The following PROM1 variants were observed in gnomAD, a reference collection of about 807,000 sequenced individuals.
The protein encoded by PROM1 is prominin 1, also known as prominin-1.
PROM1 carries 105 observed loss-of-function variants against 116.9 expected under a neutral mutation model. The ratio of observed to expected loss-of-function variants is 0.90; its 90% CI spans 0.77 to 1.06. PROM1 has a LOEUF of 1.06. PROM1 is among the 50% of genes least tolerant of loss of function. The pLI, the probability that PROM1 is intolerant of heterozygous loss-of-function variation, is 0.00. For missense variants in PROM1, 1,122 were observed against 1,045.2 expected, an observed-to-expected ratio of 1.07 and a Z score of -1.01; for synonymous variants, 393 against 387.0, an observed-to-expected ratio of 1.02 and a Z score of -0.18.
intron 26 of PROM1, among the ~76,000 whole-genome samples, chr4:15,974,815 A>G (rs1345115507): frequency 6.6e-6 from 1 of 152,048 alleles, no homozygotes; most frequent in Non-Finnish European, 1.5e-5. Flanking sequence ...TGCACTGATC[A>G]TTTTCCTCCT....
chr4:15,981,892 T>C (rs1167178054), intron 23 of PROM1, among the ~76,000 whole-genome samples: 2 of 152,206 alleles, frequency 1.3e-5, no homozygotes, highest in Non-Finnish European at 2.9e-5. Context: ...TAAAGTTCCA[T>C]CTCTTAACAT....
intron 19 of PROM1, among the ~76,000 whole-genome samples, chr4:15,989,224 C>T (rs1165102266): frequency 6.6e-6 from 1 of 152,092 alleles, no homozygotes; most frequent in Non-Finnish European, 1.5e-5. Flanking sequence ...CACATTCTTT[C>T]TTTGTTAGAA....
At chr4:16,076,363 G>C (rs533159597) in intron 1 of PROM1, 1 of 161,168 alleles carries the variant, frequency 6.2e-6, no homozygotes, top group Non-Finnish European at 1.4e-5. Context: ...TTATGGGTTC[G>C]GGAAATACTA....
At chr4:15,998,336 A>C in intron 15 of PROM1, 49 bp downstream of exon 15, 1 of 1,488,098 alleles carries the variant, frequency 6.7e-7, no homozygotes, top group Non-Finnish European at 8.9e-7. Flanking sequence ...TTCTCATTCC[A>C]GAAAAAGAAC....
intron 23 of PROM1, among the ~76,000 whole-genome samples, chr4:15,982,949 G>T (rs7698060): frequency 0.02 from 3,058 of 152,246 alleles, 104 homozygotes; most frequent in African/African-American, 0.07. Context: ...CAGGGCAATA[G>T]GGATGAACTG....
chr4:16,062,951 T>C (rs759797763), intron 2 of PROM1, among the ~76,000 whole-genome samples: 162 of 152,210 alleles, frequency 1.1e-3, no homozygotes, highest in Admixed American at 3.6e-3. Context: ...TGAGAGCATG[T>C]TTGTGAATGA....
At chr4:16,008,724 T>C (rs1381711301) in intron 12 of PROM1, among the ~76,000 whole-genome samples, 1 of 152,166 alleles carries the variant, frequency 6.6e-6, no homozygotes, top group East Asian at 1.9e-4. Context: ...TACACAGGAG[T>C]CATGCGAACC....
chr4:15,991,921 C>A (rs1242397923), intron 17 of PROM1, among the ~76,000 whole-genome samples: 29 of 110,288 alleles, frequency 2.6e-4, no homozygotes, highest in Non-Finnish European at 4.0e-4. Flanking sequence ...GGTGACAGAG[C>A]GAGACTCCGT....
intron 2 of PROM1, among the ~76,000 whole-genome samples, chr4:16,064,566 C>G (rs746774120): frequency 3.3e-5 from 5 of 152,234 alleles, no homozygotes; most frequent in Non-Finnish European, 5.9e-5. Flanking sequence ...TAAGCTTACA[C>G]GTAATTTTTC....
intron 2 of PROM1, among the ~76,000 whole-genome samples, chr4:16,072,650 C>T (rs1743071774): frequency 2.0e-5 from 3 of 152,218 alleles, no homozygotes; most frequent in African/African-American, 4.8e-5. Flanking sequence ...TGATGGGTGA[C>T]TACCCTGCTC....
At chr4:16,000,700 T>G (rs1657296145) in intron 13 of PROM1, 81 bp from the exon 14 acceptor site, 1 of 1,207,626 alleles carries the variant, frequency 8.3e-7, no homozygotes, top group African/African-American at 1.5e-5. Flanking sequence ...CTACCTATAC[T>G]CTATAAAATA....
chr4:16,052,153 G>T (rs181655998), intron 2 of PROM1, among the ~76,000 whole-genome samples: 106 of 152,304 alleles, frequency 7.0e-4, no homozygotes, highest in African/African-American at 2.3e-3. Context: ...TGTGAGAGCT[G>T]AGCCTGAACG....
intron 2 of PROM1, among the ~76,000 whole-genome samples, chr4:16,065,320 T>C (rs1258813581): frequency 2.6e-5 from 4 of 152,180 alleles, no homozygotes; most frequent in Non-Finnish European, 5.9e-5. Flanking sequence ...ACTTGCATCA[T>C]TCAGGCCTCA....
chr4:16,041,242 A>C (rs1003614869), intron 2 of PROM1, among the ~76,000 whole-genome samples: 7 of 152,232 alleles, frequency 4.6e-5, no homozygotes, highest in Non-Finnish European at 8.8e-5. Flanking sequence ...GCCATCAGGC[A>C]CTCATGTTCA....
At position 15,994,044 on chromosome 4, in the gene PROM1, G is replaced by GT; in HGVS notation, c.1709dup (p.Tyr570Ter). 1 of 1,613,878 alleles carries GT rather than the reference G, an allele frequency of 6.2e-7. No homozygotes were observed. Residue 570 changes from tyrosine (Y) to a stop codon, truncating the protein, a stop_gained and frameshift_variant, in exon 16 of 28, where the codon TAC (tyrosine) becomes TAAC (stop). Transcript: ENST00000447510. LOFTEE classifies it high-confidence loss of function. The stretch of plus-strand genomic sequence containing the variant: ...AGCTGTTCTGCAGGTGAAGAGTGCC[G>GT]TAAGTGCCTCTATTTTTTTTGCAGT... ...YSDCKKNRGT[Y>*]GTLHLQNSFN...
At chr4:16,006,915 A>G (rs2149237843) in intron 12 of PROM1, among the ~76,000 whole-genome samples, 1 of 152,184 alleles carries the variant, frequency 6.6e-6, no homozygotes, top group Admixed American at 6.5e-5. Flanking sequence ...CTAGGTTTGC[A>G]TTGTTCCTGG....
chr4:16,008,360 G>C (rs1262827733), intron 12 of PROM1, among the ~76,000 whole-genome samples: 1 of 152,104 alleles, frequency 6.6e-6, no homozygotes, highest in Non-Finnish European at 1.5e-5. Context: ...TTTTCTAATG[G>C]GACAACCAGT....
At chr4:16,081,764 G>A (rs562307317) in intron 1 of PROM1, among the ~76,000 whole-genome samples, 1 of 152,182 alleles carries the variant, frequency 6.6e-6, no homozygotes, top group Non-Finnish European at 1.5e-5. Context: ...TTTTCAGCTT[G>A]TCCTCTGATG....
intron 2 of PROM1, among the ~76,000 whole-genome samples, chr4:16,052,763 G>A (rs552807602): frequency 1.3e-5 from 2 of 152,332 alleles, no homozygotes; most frequent in East Asian, 3.9e-4. Flanking sequence ...TTACAGGTGT[G>A]AGCCACAGGG....
Sources: gnomAD v4.1 joint callset for allele counts (sites outside exome capture counted in the v4.1 genomes callset) on GRCh38, gnomAD v4.1.1 for gene constraint, MANE v1.5 for transcripts, NCBI Gene and HGNC (gene_info 2026-07-23, HGNC 2026-07-21) for gene names.